Variants in SLC31A1 observed in about 807,000 individuals in gnomAD.
SLC31A1 encodes high affinity copper uptake protein 1.
SLC31A1 carries 5 observed loss-of-function variants against 17.2 expected under a neutral mutation model. The observed-to-expected ratio is 0.29, with a 90% CI of 0.15 to 0.61. The LOEUF (loss-of-function observed/expected upper bound fraction) is 0.61. SLC31A1 is among the 20% of genes least tolerant of loss of function. The pLI, the probability that SLC31A1 is intolerant of heterozygous loss-of-function variation, is 0.86. For missense variants in SLC31A1, 161 were observed against 241.4 expected (o/e 0.67, Z 2.21); for synonymous variants, 76 against 78.8 (o/e 0.96, Z 0.19).
At chr9:113,234,480 A>ATT (rs869088669) in intron 1 of SLC31A1, among the ~76,000 whole-genome samples, 4,472 of 60,248 alleles carry the variant, frequency 0.074, 778 homozygotes, top group Non-Finnish European at 0.11. Context: ...CCTGGCCATC[A>ATT]TTTTTTTTTT....
chr9:113,240,128 C>T (rs1424683112), intron 1 of SLC31A1, among the ~76,000 whole-genome samples: 2 of 152,170 alleles, frequency 1.3e-5, no homozygotes, highest in African/African-American at 2.4e-5. Flanking sequence ...GTTCTTTCAC[C>T]GTTATTCTCT....
In SLC31A1 at chr9:113,262,300, G is replaced by T. The variant is rs533978084; in HGVS notation, c.*1827G>T. On this transcript the variant is annotated 3_prime_UTR_variant, in exon 5 of 5. Coordinates refer to ENST00000374212, the MANE Select transcript of SLC31A1 (RefSeq NM_001859.4). ...CAAGTGGCCAAAACCCCTGTTCTCA[G>T]TGAAGAACCACATTGGATTTGTATT... 6.6e-6 allele frequency: 1 copy of T among 152,658 alleles called. No homozygotes were observed. Among genetic ancestry groups the T allele is most frequent in the African/African-American group, 2.4e-5 (1 of 41,452 alleles). 9.5% of individuals were successfully genotyped at this position (152,658 alleles called of 1,614,324 possible).
At position 113,264,006 on chromosome 9, in the gene SLC31A1, C is replaced by G. The variant is rs1166850177; in HGVS notation, c.*3533C>G. On this transcript the variant is annotated 3_prime_UTR_variant, in exon 5 of 5. Transcript: ENST00000374212. ...ATTTTGATCCTGCCCTCTCCAGCTG[C>G]TCCTTCAAAAGATACATCAAAAGAT... 1 of 152,216 alleles carries G rather than the reference C, an allele frequency of 6.6e-6. No homozygotes were observed. The highest frequency in any genetic ancestry group is 1.5e-5 in the Non-Finnish European group (1 of 68,092). The allele number at this position is 152,216 out of a possible 1,614,324, so 9.4% of individuals were successfully genotyped here.
At chr9:113,234,864 A>G (rs1358303199) in intron 1 of SLC31A1, among the ~76,000 whole-genome samples, 5 of 152,180 alleles carry the variant, frequency 3.3e-5, no homozygotes, top group African/African-American at 9.7e-5. Flanking sequence ...TTTGATATTC[A>G]TACTGTTGTG....
At chr9:113,226,974 T>C (rs1213516885) in intron 1 of SLC31A1, among the ~76,000 whole-genome samples, 2 of 152,208 alleles carry the variant, frequency 1.3e-5, no homozygotes, top group Middle Eastern at 3.2e-3. Context: ...GCATAATCTA[T>C]ACCTTAGTAC....
chr9:113,260,457 C>CA lies in SLC31A1; in HGVS notation c.558dup (p.Glu187ArgfsTer27). On this transcript the variant is annotated frameshift_variant, in exon 5 of 5. Transcript: ENST00000374212. LOFTEE classifies it high-confidence loss of function. ...AAGAAGGCAGTGGTAGTGGATATCA[C>CA]AGAGCATTGCCATTGACATCAAACT... is the stretch of plus-strand genomic sequence containing the variant. 1.9e-6 allele frequency: 3 copies of CA among 1,613,738 alleles called. No homozygotes were observed. The highest frequency in any genetic ancestry group is 2.5e-6 in the Non-Finnish European group (3 of 1,179,924).
intron 1 of SLC31A1, among the ~76,000 whole-genome samples, chr9:113,248,462 C>CT (rs34154634): frequency 0.2 from 17,104 of 86,434 alleles, 2,466 homozygotes; most frequent in Non-Finnish European, 0.25. Context: ...GAAAGCAGTC[C>CT]TTTTTTTTTT....
intron 1 of SLC31A1, among the ~76,000 whole-genome samples, chr9:113,249,610 C>T (rs942749686): frequency 1.3e-5 from 2 of 152,130 alleles, no homozygotes; most frequent in Admixed American, 1.3e-4. Flanking sequence ...AGGTGATCCA[C>T]CCACCTTGGC....
chr9:113,255,400 A>G (rs1831709028), intron 1 of SLC31A1, among the ~76,000 whole-genome samples: 1 of 152,240 alleles, frequency 6.6e-6, no homozygotes, highest in Non-Finnish European at 1.5e-5. Flanking sequence ...AAGTTTGAAC[A>G]TATATTAAGC....
chr9:113,230,568 TTTAA>T (rs753007398), intron 1 of SLC31A1, among the ~76,000 whole-genome samples: 46 of 152,212 alleles, frequency 3.0e-4, no homozygotes, highest in Non-Finnish European at 6.5e-4. Flanking sequence ...CTGTTTTGTT[TTTAA>T]TTAATACATA....
At chr9:113,237,377 C>T (rs1035341629) in intron 1 of SLC31A1, among the ~76,000 whole-genome samples, 1 of 152,004 alleles carries the variant, frequency 6.6e-6, no homozygotes, top group East Asian at 1.9e-4. Flanking sequence ...TTGGTTTACC[C>T]GGAATGTAGA....
chr9:113,224,353 T>C (rs1290482276), intron 1 of SLC31A1, among the ~76,000 whole-genome samples: 1 of 152,222 alleles, frequency 6.6e-6, no homozygotes, highest in Non-Finnish European at 1.5e-5. Flanking sequence ...TTTCTAGGTG[T>C]TTATGAAATG....
At chr9:113,239,990 C>T (rs1405216408) in intron 1 of SLC31A1, among the ~76,000 whole-genome samples, 1 of 152,226 alleles carries the variant, frequency 6.6e-6, no homozygotes. Context: ...TATTTCTTCT[C>T]TCGACTCAGG....
intron 1 of SLC31A1, among the ~76,000 whole-genome samples, chr9:113,225,317 A>G (rs1359085348): frequency 2.0e-5 from 3 of 152,256 alleles, no homozygotes; most frequent in Admixed American, 6.5e-5. Flanking sequence ...CCAGGACCAT[A>G]TTTGTCAAAT....
intron 1 of SLC31A1, among the ~76,000 whole-genome samples, chr9:113,243,398 T>G (rs1831541472): frequency 6.6e-6 from 1 of 152,220 alleles, no homozygotes; most frequent in African/African-American, 2.4e-5. Context: ...GTATAATTCA[T>G]CACGTTATCA....
intron 1 of SLC31A1, among the ~76,000 whole-genome samples, chr9:113,237,340 T>G (rs905557160): frequency 1.3e-5 from 2 of 152,212 alleles, no homozygotes; most frequent in African/African-American, 4.8e-5. Flanking sequence ...TTTCATAGAC[T>G]TGTCAGAGCA....
intron 2 of SLC31A1, 143 bp from the exon 3 acceptor site, chr9:113,256,970 C>A: frequency 1.4e-6 from 1 of 705,294 alleles, no homozygotes; most frequent in Non-Finnish European, 2.6e-6. Flanking sequence ...GTAACGCTAA[C>A]ATGAGGGCAA....
chr9:113,225,422 G>A (rs1478168919), intron 1 of SLC31A1, among the ~76,000 whole-genome samples: 2 of 152,202 alleles, frequency 1.3e-5, no homozygotes. Context: ...AAGTTCAAAT[G>A]GCTTAGGAGT....
At chr9:113,249,423 A>G (rs980420983) in intron 1 of SLC31A1, among the ~76,000 whole-genome samples, 4 of 151,244 alleles carry the variant, frequency 2.6e-5, no homozygotes, top group African/African-American at 7.3e-5. Flanking sequence ...CTGGAGTGCA[A>G]TGGCAGGACC....
Sources: gnomAD v4.1 joint callset for allele counts (sites outside exome capture counted in the v4.1 genomes callset) on GRCh38, gnomAD v4.1.1 for gene constraint, MANE v1.5 for transcripts, NCBI Gene and HGNC (gene_info 2026-07-23, HGNC 2026-07-21) for gene names.